PSD3: variants seen among roughly 807,000 people sequenced by gnomAD.
PSD3 encodes pleckstrin and Sec7 domain containing 3.
PSD3 carries 49 observed loss-of-function variants against 105.5 expected under a neutral mutation model. The observed-to-expected ratio is 0.46, with a 90% CI of 0.37 to 0.59. The LOEUF is 0.59. Ranked by LOEUF, PSD3 falls within the 20% of genes least tolerant of loss-of-function variation. The pLI is 0.00. For synonymous variants in PSD3, 557 were observed against 457.8 expected (o/e 1.22, Z -2.77); for missense variants, 1,561 against 1,263.8 (o/e 1.24, Z -3.57).
intron 1 of PSD3, among the ~76,000 whole-genome samples, chr8:19,073,451 T>G (rs1486608454): frequency 6.8e-6 from 1 of 148,108 alleles, no homozygotes; most frequent in African/African-American, 2.5e-5. Context: ...CTTGGGAGGC[T>G]GAGGAACAAG....
At chr8:18,606,976 C>T (rs767562041) in intron 11 of PSD3, among the ~76,000 whole-genome samples, 9 of 152,218 alleles carry the variant, frequency 5.9e-5, no homozygotes, top group Middle Eastern at 3.4e-3. Flanking sequence ...AAGGAAGCTA[C>T]CCATCTAAGG....
At chr8:18,923,662 T>G (rs1395494342) in intron 2 of PSD3, among the ~76,000 whole-genome samples, 2 of 152,164 alleles carry the variant, frequency 1.3e-5, no homozygotes, top group Non-Finnish European at 2.9e-5. Context: ...AGGTGTGCAG[T>G]AGGTATACTA....
intron 4 of PSD3, among the ~76,000 whole-genome samples, chr8:18,821,695 A>ATG (rs1812724357): frequency 7.6e-6 from 1 of 131,540 alleles, no homozygotes; most frequent in South Asian, 2.5e-4. Context: ...ACACACACAC[A>ATG]CACACACACA....
intron 1 of PSD3, chr8:18,939,963 G>A (rs772782585): frequency 2.0e-5 from 3 of 152,168 alleles, no homozygotes; most frequent in Non-Finnish European, 4.4e-5. Flanking sequence ...TAAGTCACAC[G>A]TGCATGTGAG....
intron 9 of PSD3, among the ~76,000 whole-genome samples, chr8:18,669,553 C>T (rs528816992): frequency 6.6e-6 from 1 of 152,188 alleles, no homozygotes; most frequent in Non-Finnish European, 1.5e-5. Context: ...TAGTAAGTGA[C>T]TGAGGGCAGG....
intron 9 of PSD3, among the ~76,000 whole-genome samples, chr8:18,714,344 C>T (rs935725951): frequency 1.8e-4 from 28 of 151,842 alleles, no homozygotes; most frequent in Non-Finnish European, 2.9e-5. Context: ...AAACATTCAA[C>T]CCACAGAATG....
intron 1 of PSD3, among the ~76,000 whole-genome samples, chr8:19,082,729 C>T (rs2129478411): frequency 6.6e-6 from 1 of 152,302 alleles, no homozygotes; most frequent in East Asian, 1.9e-4. Context: ...TTCAAGTCAT[C>T]AGGCCAGCAC....
At chr8:18,940,660 T>C (rs1822475942) in intron 1 of PSD3, among the ~76,000 whole-genome samples, 1 of 152,196 alleles carries the variant, frequency 6.6e-6, no homozygotes, top group Admixed American at 6.5e-5. Flanking sequence ...GTTCTGGGAA[T>C]GCCTCTGAGA....
Position 18,627,487 on chromosome 8 carries a change from TAAG to T in PSD3, c.2410+5123_2410+5125del, listed in dbSNP as rs533995153. 6.9e-4 allele frequency among the ~76,000 whole-genome samples: 105 copies of T among 152,172 alleles called. 1 individual carries two copies. Among genetic ancestry groups the T allele is most frequent in the African/African-American group, 2.4e-3 (99 of 41,532 alleles). The stretch of plus-strand genomic sequence containing the variant: ...ACAATTTCAAGGGCTCACACAGGGC[TAAG>T]AAGAATTTATGTTTTCATCAGCTAG... On this transcript the variant is annotated intron_variant, in intron 11 of 15. Coordinates refer to ENST00000327040, the MANE Select transcript of PSD3 (RefSeq NM_015310.4).
chr8:18,804,692 GT>G lies in PSD3; in HGVS notation c.1829+11del, dbSNP rs779478204. The G allele has an allele frequency of 6.2e-6, 10 of 1,613,422 alleles. No homozygotes were observed. Among genetic ancestry groups the G allele is most frequent in the African/African-American group, 1.3e-5 (1 of 74,892 alleles). ...GAGAGAATTCAGACTCCAGCAATGG[GT>G]CAGAACGTACTTCTTGCCAAGGTGT... On this transcript the variant is annotated intron_variant, in intron 5 of 15. Coordinates refer to ENST00000327040, the MANE Select transcript of PSD3 (RefSeq NM_015310.4).
chr8:19,041,961 T>C (rs1828139023), intron 1 of PSD3, among the ~76,000 whole-genome samples: 1 of 144,772 alleles, frequency 6.9e-6, no homozygotes, highest in Non-Finnish European at 1.5e-5. Flanking sequence ...TAAAAAATTC[T>C]ATTTTGGATT....
chr8:18,677,749 C>T (rs750368500), intron 9 of PSD3, among the ~76,000 whole-genome samples: 5 of 152,132 alleles, frequency 3.3e-5, no homozygotes, highest in Non-Finnish European at 5.9e-5. Flanking sequence ...CGGTGGCTTA[C>T]GCCTGTAATC....
intron 9 of PSD3, among the ~76,000 whole-genome samples, chr8:18,677,881 G>A (rs1162124501): frequency 2.6e-5 from 4 of 151,832 alleles, no homozygotes; most frequent in South Asian, 2.1e-4. Flanking sequence ...GTGGTGGCGG[G>A]TGCCTGTAGT....
intron 1 of PSD3, among the ~76,000 whole-genome samples, chr8:18,938,655 G>T (rs1264752139): frequency 6.6e-6 from 1 of 151,740 alleles, no homozygotes; most frequent in African/African-American, 2.4e-5. Context: ...AGAGGGAAAG[G>T]GGAGATTAAG....
intron 9 of PSD3, among the ~76,000 whole-genome samples, chr8:18,720,082 TC>T (rs1467379010): frequency 1.3e-5 from 2 of 152,048 alleles, no homozygotes; most frequent in African/African-American, 2.4e-5. Flanking sequence ...CTGACCCAAC[TC>T]ATTAGGGACT....
At chr8:18,970,126 C>T (rs1034123172) in intron 1 of PSD3, among the ~76,000 whole-genome samples, 1 of 151,380 alleles carries the variant, frequency 6.6e-6, no homozygotes, top group Non-Finnish European at 1.5e-5. Flanking sequence ...GAGATCGAGA[C>T]CATCCTGGCT....
intron 12 of PSD3, among the ~76,000 whole-genome samples, chr8:18,589,758 G>C (rs912911097): frequency 6.6e-6 from 1 of 152,086 alleles, no homozygotes; most frequent in Non-Finnish European, 1.5e-5. Context: ...AGGAGGCGAG[G>C]GCTTCTAAGC....
At chr8:18,590,173 T>C (rs1036160710) in intron 12 of PSD3, among the ~76,000 whole-genome samples, 1 of 152,228 alleles carries the variant, frequency 6.6e-6, no homozygotes, top group Non-Finnish European at 1.5e-5. Context: ...CAATCTCATA[T>C]ATGGCATTAT....
intron 1 of PSD3, among the ~76,000 whole-genome samples, chr8:18,942,895 A>C (rs1397243194): frequency 6.6e-6 from 1 of 152,230 alleles, no homozygotes; most frequent in East Asian, 1.9e-4. Flanking sequence ...CCAGGATGAC[A>C]GGTAACAAGC....
Sources: gnomAD v4.1 joint callset for allele counts (sites outside exome capture counted in the v4.1 genomes callset) on GRCh38, gnomAD v4.1.1 for gene constraint, MANE v1.5 for transcripts, NCBI Gene and HGNC (gene_info 2026-07-23, HGNC 2026-07-21) for gene names.